SCN8A: variants seen among roughly 807,000 people sequenced by gnomAD.
SCN8A encodes the protein sodium channel protein type 8 subunit alpha.
In SCN8A, 30 loss-of-function variants were observed where a neutral mutation model predicts 184.1. The ratio of observed to expected loss-of-function variants is 0.16; its 90% CI spans 0.12 to 0.22. SCN8A has a LOEUF of 0.22. Among genes scored for constraint, SCN8A ranks in the 10% least tolerant of loss-of-function variants. The pLI, the probability that SCN8A is intolerant of heterozygous loss-of-function variation, is 1.00. For synonymous variants in SCN8A, 852 were observed against 907.0 expected (o/e 0.94, Z 1.09); for missense variants, 1,057 against 2,498.9 (o/e 0.42, Z 12.30).
At chr12:51,616,467 C>G (rs1468754299) in intron 1 of SCN8A, among the ~76,000 whole-genome samples, 1 of 152,026 alleles carries the variant, frequency 6.6e-6, no homozygotes, top group Non-Finnish European at 1.5e-5. Context: ...AAAAAATTAG[C>G]CAGACATGGT....
chr12:51,790,540 C>A, intron 25 of SCN8A, 38 bp downstream of exon 25: 4 of 1,374,076 alleles, frequency 2.9e-6, no homozygotes, highest in Non-Finnish European at 4.1e-6. Context: ...TGGTGAGAAC[C>A]CATATAGGAA....
intron 2 of SCN8A, among the ~76,000 whole-genome samples, chr12:51,680,767 T>G (rs1411032665): frequency 6.6e-6 from 1 of 152,132 alleles, no homozygotes; most frequent in Non-Finnish European, 1.5e-5. Flanking sequence ...TTTGGGAGGC[T>G]GAGGCAGGCG....
chr12:51,752,266 G>T lies in SCN8A; in HGVS notation c.2370+673G>T, dbSNP rs76439814. 8.5e-5 allele frequency among the ~76,000 whole-genome samples: 13 copies of T among 152,276 alleles called. No homozygotes were observed. In the East Asian group the frequency reaches 2.1e-3, roughly 25 times the overall value. ...TTGATAGATAGTAAAGAATTAGTGAGAAAGAATCCCCTAGGTCACCTGGGC... is the reference window on the plus strand; with the variant it reads ...TTGATAGATAGTAAAGAATTAGTGATAAAGAATCCCCTAGGTCACCTGGGC... On this transcript the variant is annotated intron_variant, in intron 14 of 26. Transcript: ENST00000627620.
intron 1 of SCN8A, among the ~76,000 whole-genome samples, chr12:51,605,234 A>T (rs1157993167): frequency 6.6e-6 from 1 of 152,176 alleles, no homozygotes; most frequent in Non-Finnish European, 1.5e-5. Context: ...TACACACTGC[A>T]CCATATTTGT....
At chr12:51,682,529 G>A (rs1042867585) in intron 2 of SCN8A, among the ~76,000 whole-genome samples, 7 of 152,064 alleles carry the variant, frequency 4.6e-5, no homozygotes, top group Non-Finnish European at 8.8e-5. Flanking sequence ...GGACATAGAT[G>A]TATGCTTTTA....
At chr12:51,700,852 C>T (rs773869622) in intron 7 of SCN8A, among the ~76,000 whole-genome samples, 1 of 151,936 alleles carries the variant, frequency 6.6e-6, no homozygotes, top group Non-Finnish European at 1.5e-5. Flanking sequence ...CTTTTAGGTC[C>T]CTTTGATTCA....
At chr12:51,675,612 C>T (rs148195018) in intron 2 of SCN8A, among the ~76,000 whole-genome samples, 59 of 152,302 alleles carry the variant, frequency 3.9e-4, no homozygotes, top group African/African-American at 1.3e-3. Flanking sequence ...TCCCCCGCCC[C>T]GCTCCTGCTC....
intron 25 of SCN8A, among the ~76,000 whole-genome samples, chr12:51,791,056 C>A (rs545719667): frequency 1.3e-5 from 2 of 152,266 alleles, no homozygotes; most frequent in South Asian, 4.1e-4. Context: ...TCCATTGTTC[C>A]ATTGGTGATG....
intron 12 of SCN8A, among the ~76,000 whole-genome samples, chr12:51,740,384 T>C (rs1020458691): frequency 6.6e-6 from 1 of 152,264 alleles, no homozygotes; most frequent in African/African-American, 2.4e-5. Flanking sequence ...GTTTCCTTCT[T>C]AATTTCTTCA....
intron 1 of SCN8A, among the ~76,000 whole-genome samples, chr12:51,599,803 G>C (rs572444323): frequency 3.3e-5 from 5 of 152,126 alleles, no homozygotes; most frequent in Non-Finnish European, 7.4e-5. Context: ...ATATAACTTT[G>C]TATATGTGTG....
chr12:51,737,304 C>T (rs930728818), intron 12 of SCN8A, among the ~76,000 whole-genome samples: 3 of 152,196 alleles, frequency 2.0e-5, no homozygotes, highest in Admixed American at 1.3e-4. Context: ...TGGACAATAA[C>T]ACCAGTAGGT....
rs574080469 is a variant in SCN8A, at chr12:51,786,937, A to G, written c.4227+111A>G. 3.7e-4 allele frequency: 399 copies of G among 1,078,274 alleles called. 3 individuals carry two copies. The South Asian group carries it at 5.7e-3, about 15-fold the overall frequency. 66.8% of individuals were successfully genotyped at this position (1,078,274 alleles called of 1,614,324 possible). The stretch of plus-strand genomic sequence containing the variant: ...ACTTCTAGAATCAGGATTATTCTCA[A>G]TAAGTCCAAGAAAACAGTATTGTTC... On this transcript the variant is annotated intron_variant, in intron 22 of 26. Transcript: ENST00000627620.
At chr12:51,766,076 C>A (rs752173880) in intron 16 of SCN8A, 49 bp downstream of exon 16, 2 of 1,453,790 alleles carry the variant, frequency 1.4e-6, no homozygotes, top group Admixed American at 3.3e-5. Flanking sequence ...GAATATTCTA[C>A]CCCTGGCCCA....
intron 20 of SCN8A, 45 bp from the exon 21 acceptor site, chr12:51,780,604 T>TTG (rs1937884970): frequency 2.4e-6 from 1 of 412,006 alleles, no homozygotes; most frequent in East Asian, 6.3e-5. Context: ...TTTTTTTTTT[T>TTG]GGTTACCTTT....
chr12:51,626,951 T>A (rs1940092215), intron 1 of SCN8A, among the ~76,000 whole-genome samples: 1 of 152,218 alleles, frequency 6.6e-6, no homozygotes, highest in Admixed American at 6.5e-5. Context: ...AGATTTTCTT[T>A]TAAGGATCTG....
chr12:51,645,589 C>T (rs1477706424), intron 1 of SCN8A, among the ~76,000 whole-genome samples: 3 of 152,020 alleles, frequency 2.0e-5, no homozygotes, highest in African/African-American at 4.8e-5. Context: ...ACATGGGAGA[C>T]TTTTCATTTT....
rs184245989 is a variant in SCN8A at position 51,668,433 on chromosome 12, T to C, written c.276+5340T>C. ...AGAGCTCATGCCTCCTGACCCTCCATTTATTACAACATATTTCTAGTTCCC... is the reference window on the plus strand; with the variant it reads ...AGAGCTCATGCCTCCTGACCCTCCACTTATTACAACATATTTCTAGTTCCC... On this transcript the variant is annotated intron_variant, in intron 2 of 26. Coordinates refer to ENST00000627620, the MANE Select transcript of SCN8A (RefSeq NM_001330260.2). Among the ~76,000 whole-genome samples, 487 of 152,296 alleles carry C rather than the reference T, an allele frequency of 3.2e-3. 1 individual carries two copies. The highest frequency in any genetic ancestry group is 3.4e-3 in the Middle Eastern group (1 of 294).
chr12:51,617,602 TTGTC>T (rs1370574915), intron 1 of SCN8A, among the ~76,000 whole-genome samples: 1 of 152,218 alleles, frequency 6.6e-6, no homozygotes, highest in East Asian at 1.9e-4. Flanking sequence ...TATCTGTTGA[TTGTC>T]TTTTTCCTTG....
intron 1 of SCN8A, among the ~76,000 whole-genome samples, chr12:51,614,394 A>G (rs1037073873): frequency 6.6e-6 from 1 of 152,104 alleles, no homozygotes; most frequent in Non-Finnish European, 1.5e-5. Context: ...TATTAATATA[A>G]TCATCCTACC....
Sources: allele counts gnomAD v4.1 joint callset (sites outside exome capture counted in the v4.1 genomes callset), GRCh38; gene constraint gnomAD v4.1.1; transcripts MANE v1.5; gene names NCBI Gene and HGNC (gene_info 2026-07-23, HGNC 2026-07-21).